PXDNL: variants seen among roughly 807,000 people sequenced by gnomAD.
PXDNL encodes peroxidasin like.
In PXDNL, 145 loss-of-function variants were observed where a neutral mutation model predicts 150.8. The ratio of observed to expected loss-of-function variants is 0.96; its 90% confidence interval spans 0.84 to 1.10. PXDNL has a LOEUF of 1.10. Ranked by LOEUF, PXDNL falls within the 50% of genes least tolerant of loss-of-function variation. The pLI is 0.00. For synonymous variants in PXDNL, 757 were observed against 725.7 expected (o/e 1.04, Z -0.69); for missense variants, 2,087 against 1,873.9 (o/e 1.11, Z -2.10).
chr8:51,536,060 G>A (rs150075613), intron 4 of PXDNL, among the ~76,000 whole-genome samples: 11 of 152,292 alleles, frequency 7.2e-5, no homozygotes, highest in East Asian at 1.9e-4. Context: ...CATGGTGATC[G>A]GGCCAGCAAC....
At position 51,552,373 on chromosome 8, in the gene PXDNL, T is replaced by C. The variant is rs187121960; in HGVS notation, c.380+4467A>G. ...GAAGTTATTATATAAAACAGACACA[T>C]GCACAACTATGTTTATAGCAGCACA... On this transcript the variant is annotated intron_variant, in intron 4 of 22. Coordinates refer to ENST00000356297, the MANE Select transcript of PXDNL (RefSeq NM_144651.5). 4.7e-3 allele frequency among the ~76,000 whole-genome samples: 711 copies of C among 152,298 alleles called. 2 individuals are homozygous for C. Among genetic ancestry groups the C allele is most frequent in the Non-Finnish European group, 8.5e-3 (577 of 68,020 alleles).
intron 1 of PXDNL, among the ~76,000 whole-genome samples, chr8:51,791,096 T>C: frequency 6.6e-6 from 1 of 152,132 alleles, no homozygotes. Context: ...TGAAGCTACT[T>C]GCCCAAAGAC....
At chr8:51,665,227 G>C (rs1815358404) in intron 1 of PXDNL, among the ~76,000 whole-genome samples, 1 of 152,154 alleles carries the variant, frequency 6.6e-6, no homozygotes, top group Non-Finnish European at 1.5e-5. Flanking sequence ...GCAGTGGTTG[G>C]GAGTCCAGGC....
At chr8:51,391,252 T>C (rs1442024135) in intron 17 of PXDNL, among the ~76,000 whole-genome samples, 1 of 152,208 alleles carries the variant, frequency 6.6e-6, no homozygotes, top group Admixed American at 6.5e-5. Context: ...TTTGGGTATA[T>C]ACCCAGTAAT....
At chr8:51,458,759 A>C (rs1809998189) in intron 8 of PXDNL, among the ~76,000 whole-genome samples, 1 of 152,254 alleles carries the variant, frequency 6.6e-6, no homozygotes. Context: ...AAAAACAGTA[A>C]AGTTTGTTAA....
At chr8:51,628,891 A>T (rs1030477707) in intron 2 of PXDNL, among the ~76,000 whole-genome samples, 7 of 149,780 alleles carry the variant, frequency 4.7e-5, no homozygotes, top group Non-Finnish European at 7.4e-5. Flanking sequence ...AAACAAAAAC[A>T]AATCTTGAAG....
intron 2 of PXDNL, among the ~76,000 whole-genome samples, chr8:51,649,449 T>G (rs934389564): frequency 5.9e-5 from 9 of 152,192 alleles, no homozygotes; most frequent in African/African-American, 2.2e-4. Flanking sequence ...GGAAATTGGG[T>G]AAATGTTTAA....
intron 1 of PXDNL, among the ~76,000 whole-genome samples, chr8:51,662,123 A>G (rs1347697946): frequency 1.3e-5 from 2 of 152,232 alleles, no homozygotes; most frequent in Admixed American, 1.3e-4. Context: ...GCTTGTTCAC[A>G]AAGTCCCTGG....
At chr8:51,533,304 C>G (rs1238881435) in intron 4 of PXDNL, among the ~76,000 whole-genome samples, 1 of 152,076 alleles carries the variant, frequency 6.6e-6, no homozygotes, top group South Asian at 2.1e-4. Context: ...GCATGCACCA[C>G]CACGCCTGGC....
At chr8:51,567,744 T>C (rs1812857148) in intron 3 of PXDNL, among the ~76,000 whole-genome samples, 3 of 151,702 alleles carry the variant, frequency 2.0e-5, no homozygotes, top group Admixed American at 1.3e-4. Context: ...TTTCAGGACC[T>C]CTCGAGGACA....
chr8:51,787,022 A>G (rs2129253005), intron 1 of PXDNL, among the ~76,000 whole-genome samples: 1 of 152,230 alleles, frequency 6.6e-6, no homozygotes, highest in South Asian at 2.1e-4. Context: ...ATGGAACAAC[A>G]AAGCCTGGAT....
chr8:51,536,587 G>A (rs1001040994), intron 4 of PXDNL, among the ~76,000 whole-genome samples: 5 of 152,028 alleles, frequency 3.3e-5, no homozygotes, highest in African/African-American at 1.2e-4. Context: ...GCCCAGGACA[G>A]GGTGGCACCG....
chr8:51,509,456 C>T (rs2130335558), intron 4 of PXDNL, among the ~76,000 whole-genome samples: 1 of 152,122 alleles, frequency 6.6e-6, no homozygotes, highest in Admixed American at 6.5e-5. Context: ...GCTAACTGGG[C>T]CTGTCTCTCT....
intron 14 of PXDNL, among the ~76,000 whole-genome samples, chr8:51,419,383 G>T (rs2129697578): frequency 6.6e-6 from 1 of 152,204 alleles, no homozygotes; most frequent in South Asian, 2.1e-4. Context: ...CATTACTGTT[G>T]TACTATTTTC....
chr8:51,386,399 T>A (rs1243408828), intron 17 of PXDNL, among the ~76,000 whole-genome samples: 1 of 152,138 alleles, frequency 6.6e-6, no homozygotes, highest in Non-Finnish European at 1.5e-5. Context: ...CCAGGTGATT[T>A]ATTCTAAGCT....
intron 4 of PXDNL, among the ~76,000 whole-genome samples, chr8:51,528,327 T>C (rs1811810090): frequency 6.6e-6 from 1 of 152,184 alleles, no homozygotes; most frequent in Admixed American, 6.5e-5. Context: ...TAGTGCTATT[T>C]GCAAAATTTA....
chr8:51,644,377 T>C (rs1379443265), intron 2 of PXDNL, among the ~76,000 whole-genome samples: 3 of 79,428 alleles, frequency 3.8e-5, no homozygotes, highest in Admixed American at 1.6e-4. Flanking sequence ...TGTATATATA[T>C]ACACACACAT....
intron 1 of PXDNL, among the ~76,000 whole-genome samples, chr8:51,662,021 C>T (rs972921945): frequency 2.7e-4 from 41 of 151,944 alleles, no homozygotes; most frequent in African/African-American, 8.0e-4. Flanking sequence ...AAATTCCCAT[C>T]CCACATCTAC....
chr8:51,728,794 T>C (rs756557861), intron 1 of PXDNL, among the ~76,000 whole-genome samples: 18 of 152,174 alleles, frequency 1.2e-4, no homozygotes, highest in Non-Finnish European at 1.2e-4. Context: ...AAAAATGTTT[T>C]ATAAATTTAG....
Sources: gnomAD v4.1 joint callset for allele counts (sites outside exome capture counted in the v4.1 genomes callset) on GRCh38, gnomAD v4.1.1 for gene constraint, MANE v1.5 for transcripts, NCBI Gene and HGNC (gene_info 2026-07-23, HGNC 2026-07-21) for gene names.